The following SYNE1 variants were observed in gnomAD, a reference collection of about 807,000 sequenced individuals.
SYNE1 encodes the protein nesprin-1.
SYNE1 carries 616 observed loss-of-function variants against 1,111.0 expected under a neutral mutation model. The observed-to-expected ratio is 0.55, with a 90% confidence interval of 0.52 to 0.59. The LOEUF (loss-of-function observed/expected upper bound fraction) is 0.59. SYNE1 is among the 20% of genes least tolerant of loss of function. SYNE1 has a pLI of 0.00. For synonymous variants in SYNE1, 3,855 were observed against 3,825.8 expected (o/e 1.01, Z -0.28); for missense variants, 10,006 against 10,417.0 (o/e 0.96, Z 1.72).
chr6:152,167,344 C>T (rs1392315208), intron 130 of SYNE1, among the ~76,000 whole-genome samples: 1 of 151,920 alleles, frequency 6.6e-6, no homozygotes, highest in African/African-American at 2.4e-5. Context: ...ATATCCATAA[C>T]CCAAAACAAA....
At chr6:152,360,671 T>C (rs896979903) in intron 64 of SYNE1, among the ~76,000 whole-genome samples, 1 of 152,238 alleles carries the variant, frequency 6.6e-6, no homozygotes, top group Non-Finnish European at 1.5e-5. Context: ...TCCCTACATG[T>C]AGCAATTTCT....
In SYNE1 at chr6:152,352,252, C is replaced by T. The variant is rs151081036; in HGVS notation, c.11355G>A (p.Arg3785=). ...VKYLEEGEAE[R]LRKEIHDHME... is the part of the protein sequence containing the mutation. ...TGTGATCATGAATCTCCTTTCTTAA[C>T]CTCTCTGCCTCGCCTTCCTCCAAGT... Residue 3785 remains arginine, a synonymous_variant, in exon 70 of 146, where the codon AGG becomes AGA. Coordinates refer to ENST00000367255, the MANE Select transcript of SYNE1 (RefSeq NM_182961.4). 1.5e-4 allele frequency: 248 copies of T among 1,614,156 alleles called. 1 individual carries two copies. The Middle Eastern group carries it at 4.0e-3, about 26-fold the overall frequency.
intron 25 of SYNE1, among the ~76,000 whole-genome samples, chr6:152,452,847 C>A (rs939452104): frequency 6.6e-6 from 1 of 152,176 alleles, no homozygotes; most frequent in Non-Finnish European, 1.5e-5. Flanking sequence ...AGCCCGCGGG[C>A]CCCCGTGTCC....
chr6:152,411,731 C>CCAACACA (rs1554649308), intron 42 of SYNE1, among the ~76,000 whole-genome samples: 56 of 149,474 alleles, frequency 3.7e-4, no homozygotes, highest in African/African-American at 1.3e-3. Flanking sequence ...ACACACACCC[C>CCAACACA]CACACACACA....
intron 73 of SYNE1, among the ~76,000 whole-genome samples, chr6:152,345,831 C>CGTA (rs1424762366): frequency 7.2e-5 from 11 of 152,100 alleles, no homozygotes; most frequent in Non-Finnish European, 1.5e-4. Flanking sequence ...CATTCTTACC[C>CGTA]CTCTTACACT....
rs186246669 is a variant in SYNE1 at position 152,610,960 on chromosome 6, C to T, written c.67+17305G>A. ...AGCAAATGCTGAGAGATTTTTGTCA[C>T]CATCAGGCCTGCCTTACAAGAGCTC... On this transcript the variant is annotated intron_variant, in intron 3 of 145. Coordinates refer to ENST00000367255, the MANE Select transcript of SYNE1 (RefSeq NM_182961.4). Among the ~76,000 whole-genome samples, 423 of 152,216 alleles carry T rather than the reference C, an allele frequency of 2.8e-3. 3 individuals carry two copies. Among genetic ancestry groups the T allele is most frequent in the African/African-American group, 8.5e-3 (353 of 41,534 alleles).
intron 4 of SYNE1, among the ~76,000 whole-genome samples, chr6:152,531,959 G>GT: frequency 6.6e-6 from 1 of 152,244 alleles, no homozygotes; most frequent in South Asian, 2.1e-4. Flanking sequence ...TACTATGAGC[G>GT]TGAGTGTATT....
chr6:152,474,501 T>C (rs1345917324), intron 14 of SYNE1: 1 of 152,212 alleles, frequency 6.6e-6, no homozygotes, highest in Non-Finnish European at 1.5e-5. Context: ...CTCCTCCATT[T>C]AGTCAGAACC....
intron 3 of SYNE1, among the ~76,000 whole-genome samples, chr6:152,593,217 AG>A (rs2099571866): frequency 6.6e-6 from 1 of 152,206 alleles, no homozygotes; most frequent in Admixed American, 6.5e-5. Flanking sequence ...GCAGTTTCCA[AG>A]AATCTATTGA....
intron 145 of SYNE1, chr6:152,125,348 A>G: frequency 6.5e-7 from 1 of 1,550,178 alleles, no homozygotes; most frequent in Admixed American, 2.0e-5. Flanking sequence ...CTCGTGTCTA[A>G]AGCCTCTGGT....
chr6:152,378,995 A>C (rs2097345230), intron 56 of SYNE1, among the ~76,000 whole-genome samples: 1 of 152,210 alleles, frequency 6.6e-6, no homozygotes, highest in Admixed American at 6.5e-5. Context: ...CTGAAATTCC[A>C]AACACTAAAC....
At chr6:152,399,108 AC>A (rs1332661884) in intron 48 of SYNE1, among the ~76,000 whole-genome samples, 1 of 152,136 alleles carries the variant, frequency 6.6e-6, no homozygotes, top group African/African-American at 2.4e-5. Context: ...ACAGGGAGGA[AC>A]CACCTCCTCT....
intron 20 of SYNE1, 115 bp from the exon 21 acceptor site, chr6:152,461,855 C>T (rs1205137795): frequency 7.3e-7 from 1 of 1,377,700 alleles, no homozygotes; most frequent in Non-Finnish European, 1.0e-6. Context: ...CCAATACTTA[C>T]ACTAAACTTT....
At chr6:152,302,198 G>T (rs1031534593) in intron 91 of SYNE1, 135 bp from the exon 92 acceptor site, 3 of 1,179,972 alleles carry the variant, frequency 2.5e-6, no homozygotes, top group Admixed American at 1.9e-5. Context: ...ATGTGTAGGC[G>T]GCGAGTCCTC....
intron 97 of SYNE1, among the ~76,000 whole-genome samples, chr6:152,279,578 C>T (rs569680325): frequency 3.3e-5 from 5 of 151,762 alleles, no homozygotes; most frequent in East Asian, 3.9e-4. Context: ...ATAAGCCAGG[C>T]GTGGTGGCAC....
chr6:152,181,996 C>G (rs938300633), intron 128 of SYNE1, among the ~76,000 whole-genome samples: 4 of 152,256 alleles, frequency 2.6e-5, no homozygotes, highest in Admixed American at 2.0e-4. Context: ...TTGCATTTCC[C>G]TAAAGGCTAA....
chr6:152,153,010 A>G (rs1210498697), intron 133 of SYNE1, among the ~76,000 whole-genome samples: 1 of 152,230 alleles, frequency 6.6e-6, no homozygotes, highest in Non-Finnish European at 1.5e-5. Context: ...AATCATTTGT[A>G]TGATTTATGA....
chr6:152,631,913 A>T (rs1190809827), intron 2 of SYNE1, among the ~76,000 whole-genome samples: 1 of 152,104 alleles, frequency 6.6e-6, no homozygotes, highest in Non-Finnish European at 1.5e-5. Flanking sequence ...CAATTTCTTC[A>T]TTACCCCTTC....
chr6:152,594,378 TTAC>T (rs752914618), intron 3 of SYNE1, among the ~76,000 whole-genome samples: 25 of 152,086 alleles, frequency 1.6e-4, no homozygotes, highest in Non-Finnish European at 3.1e-4. Context: ...ATGAATGAAG[TTAC>T]AAAGAGACAT....
Sources: gnomAD v4.1 joint callset for allele counts (sites outside exome capture counted in the v4.1 genomes callset) on GRCh38, gnomAD v4.1.1 for gene constraint, MANE v1.5 for transcripts, NCBI Gene and HGNC (gene_info 2026-07-23, HGNC 2026-07-21) for gene names.